Variants in USP15 observed in about 807,000 individuals in gnomAD.
USP15 encodes the protein ubiquitin carboxyl-terminal hydrolase 15.
A neutral mutation model predicts 127.1 loss-of-function variants in USP15; 18 were observed. The observed-to-expected ratio is 0.14, with a 90% CI of 0.10 to 0.21. USP15 has a LOEUF of 0.21. USP15 is among the 10% of genes least tolerant of loss of function. USP15 has a pLI of 1.00. For synonymous variants in USP15, 364 were observed against 393.7 expected (o/e 0.92, Z 0.89); for missense variants, 805 against 1,159.9 (o/e 0.69, Z 4.44).
chr12:62,280,529 A>G (rs1565813371), intron 1 of USP15, among the ~76,000 whole-genome samples: 3 of 152,146 alleles, frequency 2.0e-5, no homozygotes. Context: ...GGAACCTTCT[A>G]GCTATAGTGG....
chr12:62,312,135 C>G (rs952342309), intron 3 of USP15, among the ~76,000 whole-genome samples: 5 of 151,744 alleles, frequency 3.3e-5, no homozygotes, highest in Admixed American at 6.6e-5. Context: ...TTTATCTGCA[C>G]CAAATGTAGG....
chr12:62,351,851 A>G (rs2065975584), intron 7 of USP15, among the ~76,000 whole-genome samples: 1 of 151,262 alleles, frequency 6.6e-6, no homozygotes, highest in East Asian at 1.9e-4. Context: ...CTTTCTTAGT[A>G]AGGAACAGAA....
intron 3 of USP15, among the ~76,000 whole-genome samples, chr12:62,305,180 A>T (rs183537974): frequency 3.3e-5 from 5 of 152,226 alleles, no homozygotes; most frequent in Admixed American, 6.5e-5. Flanking sequence ...AATTTTCCCA[A>T]ACTGAGAAAG....
chr12:62,272,591 A>T (rs1245962224), intron 1 of USP15, among the ~76,000 whole-genome samples: 1 of 151,938 alleles, frequency 6.6e-6, no homozygotes, highest in Non-Finnish European at 1.5e-5. Context: ...TATCTTTCTT[A>T]AATTTGCATC....
At chr12:62,301,946 A>G (rs924442583) in intron 2 of USP15, among the ~76,000 whole-genome samples, 4 of 152,232 alleles carry the variant, frequency 2.6e-5, no homozygotes, top group African/African-American at 4.8e-5. Flanking sequence ...ACATGGACAG[A>G]TAACAAGTCT....
At chr12:62,354,213 A>ATAT (rs1445335396) in intron 7 of USP15, among the ~76,000 whole-genome samples, 2 of 151,784 alleles carry the variant, frequency 1.3e-5, no homozygotes, top group Non-Finnish European at 2.9e-5. Flanking sequence ...TTTTATAATA[A>ATAT]TAAAGTGAGA....
chr12:62,335,907 G>A (rs2065447065), intron 6 of USP15: 1 of 985,234 alleles, frequency 1.0e-6, no homozygotes, highest in Admixed American at 6.2e-5. Flanking sequence ...TTTATGCCAA[G>A]GACTTTGCCT....
chr12:62,306,026 C>T (rs1334795252), intron 3 of USP15: 2 of 152,158 alleles, frequency 1.3e-5, no homozygotes, highest in Non-Finnish European at 2.9e-5. Context: ...GATCTCTGGC[C>T]AATAGAGAGG....
In USP15 at chr12:62,393,037, T is replaced by A; in HGVS notation, c.2421-16T>A. On this transcript the variant is annotated splice_polypyrimidine_tract_variant and intron_variant, in intron 18 of 21. Transcript: ENST00000280377. The stretch of plus-strand genomic sequence containing the variant: ...TGTACCTCTATCAAGTGTTAAATAC[T>A]TCTGTTTATTCTTAGGTATTGTCCG... 1.9e-6 allele frequency: 3 copies of A among 1,612,298 alleles called. No homozygotes were observed. Among genetic ancestry groups the A allele is most frequent in the Non-Finnish European group, 1.7e-6 (2 of 1,179,490 alleles).
chr12:62,270,366 T>C (rs2063320404), intron 1 of USP15, among the ~76,000 whole-genome samples: 1 of 152,126 alleles, frequency 6.6e-6, no homozygotes, highest in Admixed American at 6.6e-5. Context: ...TTTATTTTAT[T>C]GAAATTCAAT....
chr12:62,341,987 G>A (rs1400730540), intron 6 of USP15, among the ~76,000 whole-genome samples: 5 of 151,982 alleles, frequency 3.3e-5, no homozygotes, highest in East Asian at 1.9e-4. Context: ...GAGAGTTCAC[G>A]TCTCTCTGAA....
At chr12:62,287,214 G>T (rs1433770024) in intron 1 of USP15, among the ~76,000 whole-genome samples, 1 of 151,984 alleles carries the variant, frequency 6.6e-6, no homozygotes, top group African/African-American at 2.4e-5. Flanking sequence ...AAACCTCTCA[G>T]GTACCGTATT....
chr12:62,329,902 C>T (rs1231390099), intron 6 of USP15, among the ~76,000 whole-genome samples: 1 of 152,122 alleles, frequency 6.6e-6, no homozygotes, highest in African/African-American at 2.4e-5. Flanking sequence ...CCCTCTGACC[C>T]AGCACTCAGA....
At chr12:62,385,483 C>G (rs959202904) in intron 11 of USP15, among the ~76,000 whole-genome samples, 8 of 151,932 alleles carry the variant, frequency 5.3e-5, no homozygotes, top group African/African-American at 1.9e-4. Context: ...CTAGTAGATA[C>G]TAGGTATGTA....
rs973776938 is a variant in USP15, at chr12:62,359,106, T to C, written c.915+3631T>C. ...TGTATCCCCAATATTTAAGTAGATA[T>C]GGTAAAATTGCTTTGGTTGGGTGAA... On this transcript the variant is annotated intron_variant, in intron 8 of 21. Coordinates refer to ENST00000280377, the MANE Select transcript of USP15 (RefSeq NM_001252078.2). Among the ~76,000 whole-genome samples, 13 of 152,062 alleles carry C rather than the reference T, an allele frequency of 8.5e-5. No individual in the cohort carries two copies. In the East Asian group the frequency reaches 1.5e-3, roughly 18 times the overall value.
At position 62,381,392 on chromosome 12, in the gene USP15, T is replaced by C. The variant is rs1296385575; in HGVS notation, c.916-98T>C. ...AACCATCATTTAAATGTTCTCTGTGTTATAGCAAATCAATTTGTTTCTCTC... is the reference window on the plus strand; with the variant it reads ...AACCATCATTTAAATGTTCTCTGTGCTATAGCAAATCAATTTGTTTCTCTC... On this transcript the variant is annotated intron_variant, in intron 8 of 21. Transcript: ENST00000280377. 9.4e-6 allele frequency: 10 copies of C among 1,066,954 alleles called. No homozygotes were observed. The African/African-American group carries it at 1.6e-4, about 17-fold the overall frequency. The allele number at this position is 1,066,954 out of a possible 1,614,324, so 66.1% of individuals were successfully genotyped here. A position where few individuals can be genotyped will look rare whatever the true frequency, so the allele number is the denominator to read the frequency against.
intron 3 of USP15, among the ~76,000 whole-genome samples, chr12:62,304,058 T>G (rs963369457): frequency 6.6e-6 from 1 of 151,382 alleles, no homozygotes; most frequent in African/African-American, 2.5e-5. Flanking sequence ...CTAAAGGTAT[T>G]ACACTGTATT....
At position 62,314,902 on chromosome 12, in the gene USP15, A is replaced by G; in HGVS notation, c.461A>G (p.Lys154Arg). ...AATGTTGTAACTCGAAGATTTAGCA[A>G]AGCTGACACAATAGGTAATGCAAGA... is the stretch of plus-strand genomic sequence containing the variant. Reference protein sequence around the residue: ...MNNVVTRRFSKADTIDTIEKE... With the variant: ...MNNVVTRRFSRADTIDTIEKE... The change falls in exon 4 of 22, where the codon AAA (lysine) becomes AGA (arginine). Residue 154 changes from lysine (K) to arginine (R), a missense_variant. Lys to Arg is a conservative substitution (Grantham distance 26). Transcript: ENST00000280377. The G allele has an allele frequency of 6.3e-7, 1 of 1,582,308 alleles. No individual in the cohort carries two copies. Among genetic ancestry groups the G allele is most frequent in the Non-Finnish European group, 8.6e-7 (1 of 1,164,500 alleles).
intron 3 of USP15, among the ~76,000 whole-genome samples, chr12:62,311,108 C>G (rs2064665701): frequency 6.6e-6 from 1 of 151,730 alleles, no homozygotes; most frequent in Admixed American, 6.6e-5. Flanking sequence ...CTTGTATATT[C>G]TGGATATTAA....
Sources: allele counts gnomAD v4.1 joint callset (sites outside exome capture counted in the v4.1 genomes callset), GRCh38; gene constraint gnomAD v4.1.1; transcripts MANE v1.5; gene names NCBI Gene and HGNC (gene_info 2026-07-23, HGNC 2026-07-21).